The following SIDT1 variants were observed in gnomAD, a reference collection of about 807,000 sequenced individuals.
SIDT1 encodes the protein SID1 transmembrane family, member 1.
A neutral mutation model predicts 107.5 loss-of-function variants in SIDT1; 101 were observed. The observed-to-expected ratio is 0.94, with a 90% CI of 0.80 to 1.11. The LOEUF is 1.11. Among genes scored for constraint, SIDT1 ranks in the 50% least tolerant of loss-of-function variants. The probability of loss-of-function intolerance (pLI) is 0.00; values close to 1 mark genes in which losing one functional copy is unlikely to be tolerated. For missense variants in SIDT1, 1,076 were observed against 1,058.2 expected, an observed-to-expected ratio of 1.02 and a Z score of -0.23; for synonymous variants, 395 against 398.2, an observed-to-expected ratio of 0.99 and a Z score of 0.10.
intron 19 of SIDT1, chr3:113,612,418 G>A: frequency 1.2e-5 from 7 of 597,506 alleles, no homozygotes; most frequent in Non-Finnish European, 1.6e-5. Flanking sequence ...GAGAAACTAA[G>A]GTTTGCCACA....
intron 1 of SIDT1, among the ~76,000 whole-genome samples, chr3:113,533,588 G>A (rs75336615): frequency 0.028 from 4,294 of 152,316 alleles, 109 homozygotes; most frequent in East Asian, 0.096. Context: ...GGAGTGCGAA[G>A]AAGAACCGCA....
intron 1 of SIDT1, among the ~76,000 whole-genome samples, chr3:113,557,406 G>T (rs1940992774): frequency 1.3e-5 from 2 of 152,166 alleles, no homozygotes; most frequent in African/African-American, 4.8e-5. Context: ...CATCTTTGCA[G>T]TTGTGACCAA....
In SIDT1 at chr3:113,623,530, A is replaced by G. The variant is rs531258462; in HGVS notation, c.2194A>G (p.Lys732Glu). Residue 732 changes from lysine (K) to glutamate (E), a missense_variant and splice_region_variant, in exon 22 of 25, where the codon AAG (lysine) becomes GAG (glutamate). Transcript: ENST00000264852. ...LLYLAFYIIM[K>E]LRSSEKVLPV... is the part of the protein sequence containing the mutation. The stretch of plus-strand genomic sequence containing the variant: ...GTACCTGGCCTTTTACATCATCATG[A>G]AGGTAAGAGCGGGTGCCGGGAGCGG... The G allele has an allele frequency of 5.5e-5, 89 of 1,612,744 alleles. No homozygotes were observed. In the East Asian group the frequency reaches 1.8e-3, roughly 33 times the overall value.
chr3:113,578,849 T>G (rs1259899350), intron 4 of SIDT1, among the ~76,000 whole-genome samples: 1 of 151,980 alleles, frequency 6.6e-6, no homozygotes, highest in Non-Finnish European at 1.5e-5. Flanking sequence ...CGTGAGACCC[T>G]ATCTCTGAAA....
rs186929567 is a variant in SIDT1, at chr3:113,542,668, G to A, written c.222+9425G>A. Among the ~76,000 whole-genome samples, 50 of 152,232 alleles carry A rather than the reference G, an allele frequency of 3.3e-4. 2 individuals are homozygous for A. The highest frequency in any genetic ancestry group is 7.2e-4 in the Admixed American group (11 of 15,286). ...ATTAGTATTTCTTACCTTTAGAAGG[G>A]AAGGGAAGATCTGGGTAGCTTTCCT... On this transcript the variant is annotated intron_variant, in intron 1 of 24. Coordinates refer to ENST00000264852, the MANE Select transcript of SIDT1 (RefSeq NM_017699.3).
chr3:113,553,136 C>T (rs576450338), intron 1 of SIDT1, among the ~76,000 whole-genome samples: 2 of 152,304 alleles, frequency 1.3e-5, no homozygotes, highest in East Asian at 3.9e-4. Flanking sequence ...ATCATCTCTG[C>T]CACAATGTTC....
chr3:113,607,169 ATGT>A, intron 15 of SIDT1, 55 bp downstream of exon 15: 10 of 970,374 alleles, frequency 1.0e-5, no homozygotes, highest in Non-Finnish European at 1.6e-5. Context: ...TTTCTGTCTA[ATGT>A]TGTGATTTCG....
At chr3:113,554,946 G>C (rs1157986991) in intron 1 of SIDT1, among the ~76,000 whole-genome samples, 1 of 152,222 alleles carries the variant, frequency 6.6e-6, no homozygotes, top group Non-Finnish European at 1.5e-5. Flanking sequence ...AGGCAACATT[G>C]AGTTTCCAGA....
intron 21 of SIDT1, among the ~76,000 whole-genome samples, chr3:113,620,192 A>ATG (rs3085042): frequency 0.025 from 3,621 of 144,600 alleles, 74 homozygotes; most frequent in African/African-American, 0.05. Context: ...CTTTTACTAA[A>ATG]TGTGTGTGTG....
intron 1 of SIDT1, among the ~76,000 whole-genome samples, chr3:113,554,058 A>G (rs1203200588): frequency 6.6e-6 from 1 of 152,188 alleles, no homozygotes; most frequent in Non-Finnish European, 1.5e-5. Context: ...ATCTCAAAAA[A>G]GAAAAGCAAA....
At chr3:113,636,035 G>A in the SIDT1 span, among the ~76,000 whole-genome samples, 3 of 152,250 alleles carry the variant, frequency 2.0e-5, no homozygotes, top group South Asian at 6.2e-4. Context: ...ATAGGACTTG[G>A]TTTGGAACTC....
At chr3:113,620,192 A>ATGTGTGTGTG (rs3085042) in intron 21 of SIDT1, among the ~76,000 whole-genome samples, 3,882 of 144,594 alleles carry the variant, frequency 0.027, 71 homozygotes, top group Non-Finnish European at 0.039. Context: ...CTTTTACTAA[A>ATGTGTGTGTG]TGTGTGTGTG....
intron 20 of SIDT1, 151 bp from the exon 21 acceptor site, chr3:113,619,529 T>C (rs1946319439): frequency 4.4e-6 from 3 of 675,732 alleles, no homozygotes; most frequent in Non-Finnish European, 7.9e-6. Flanking sequence ...ATACGATTAG[T>C]GTCAGATCAT....
chr3:113,604,172 G>A, intron 13 of SIDT1, 139 bp downstream of exon 13: 1 of 588,332 alleles, frequency 1.7e-6, no homozygotes, highest in South Asian at 2.2e-5. Flanking sequence ...CCAACTATCA[G>A]TAGACCTGCA....
intron 15 of SIDT1, 115 bp from the exon 16 acceptor site, chr3:113,607,979 G>C: frequency 8.4e-7 from 1 of 1,191,480 alleles, no homozygotes. Context: ...AAACCTTATG[G>C]AAAGGTTAAT....
At chr3:113,574,806 A>G (rs1206376403) in intron 3 of SIDT1, among the ~76,000 whole-genome samples, 1 of 152,150 alleles carries the variant, frequency 6.6e-6, no homozygotes, top group Non-Finnish European at 1.5e-5. Context: ...CATAACATAA[A>G]CATGTTAAAA....
chr3:113,594,968 CAGAGGGA>C (rs932683691), intron 10 of SIDT1: 11 of 154,298 alleles, frequency 7.1e-5, no homozygotes, highest in African/African-American at 2.7e-4. Context: ...CTGGCAGCAC[CAGAGGGA>C]AGGACCTTTT....
At chr3:113,583,888 G>C (rs985463177) in intron 7 of SIDT1, among the ~76,000 whole-genome samples, 1 of 152,158 alleles carries the variant, frequency 6.6e-6, no homozygotes, top group African/African-American at 2.4e-5. Flanking sequence ...TTTATCAGTA[G>C]TCATCATTTC....
intron 15 of SIDT1, among the ~76,000 whole-genome samples, chr3:113,607,516 AGTGCAG>A (rs1945423087): frequency 6.6e-6 from 1 of 152,260 alleles, no homozygotes; most frequent in Non-Finnish European, 1.5e-5. Flanking sequence ...GCTGCTAAGT[AGTGCAG>A]GACGCAAACC....
Sources: gnomAD v4.1 joint callset for allele counts (sites outside exome capture counted in the v4.1 genomes callset) on GRCh38, gnomAD v4.1.1 for gene constraint, MANE v1.5 for transcripts, NCBI Gene and HGNC (gene_info 2026-07-23, HGNC 2026-07-21) for gene names.